The following CEP164 variants were observed in gnomAD, a reference collection of about 807,000 sequenced individuals.
CEP164 encodes centrosomal protein of 164 kDa.
Under a neutral mutation model 182.7 loss-of-function variants are expected in CEP164, and 162 were observed. The ratio of observed to expected loss-of-function variants is 0.89; its 90% CI spans 0.78 to 1.01. CEP164 has a LOEUF of 1.01. CEP164 is among the 50% of genes least tolerant of loss of function. CEP164 has a pLI of 0.00. For missense variants in CEP164, 1,735 were observed against 1,790.4 expected, an observed-to-expected ratio of 0.97 and a Z score of 0.56; for synonymous variants, 661 against 690.0, an observed-to-expected ratio of 0.96 and a Z score of 0.66.
chr11:117,323,343 G>A (rs118086079), upstream of CEP164, among the ~76,000 whole-genome samples: 5,661 of 151,412 alleles, frequency 0.037, 135 homozygotes, highest in East Asian at 0.093. Context: ...GAGATCATGC[G>A]GTATTTGTCT....
intron 26 of CEP164, among the ~76,000 whole-genome samples, 169 bp from the exon 27 acceptor site, chr11:117,396,922 T>C (rs1327071986): frequency 6.6e-6 from 1 of 152,254 alleles, no homozygotes. Context: ...TCCCAGGCAC[T>C]GCGCACTGTG....
At chr11:117,397,368 C>G in intron 27 of CEP164, 55 bp downstream of exon 27, 2 of 1,516,712 alleles carry the variant, frequency 1.3e-6, no homozygotes, top group Non-Finnish European at 1.8e-6. Context: ...CGGGGGGAGT[C>G]AGCAAAACAG....
At chr11:117,363,007 G>A (rs774425910) in intron 7 of CEP164, among the ~76,000 whole-genome samples, 2 of 152,134 alleles carry the variant, frequency 1.3e-5, no homozygotes, top group Non-Finnish European at 2.9e-5. Flanking sequence ...TCCTTTTTAA[G>A]GCTGAATAAT....
chr11:117,367,444 A>G (rs1457423213), intron 8 of CEP164, among the ~76,000 whole-genome samples: 1 of 152,256 alleles, frequency 6.6e-6, no homozygotes, highest in East Asian at 1.9e-4. Flanking sequence ...GAAGAATTTA[A>G]GCATAAGAAT....
chr11:117,405,171 G>C (rs7123784), intron 27 of CEP164, among the ~76,000 whole-genome samples: 22,466 of 152,050 alleles, frequency 0.15, 2,533 homozygotes, highest in African/African-American at 0.3. Flanking sequence ...ATGGTTCTGT[G>C]TCACTGGTGC....
intron 4 of CEP164, among the ~76,000 whole-genome samples, chr11:117,345,941 C>T (rs904628237): frequency 2.6e-5 from 4 of 152,170 alleles, no homozygotes; most frequent in Non-Finnish European, 5.9e-5. Flanking sequence ...CCTGCCTCGG[C>T]CTCCCAAAGT....
At chr11:117,354,869 T>C (rs1489614591) in intron 5 of CEP164, 1 of 1,197,230 alleles carries the variant, frequency 8.4e-7, no homozygotes, top group East Asian at 5.8e-5. Flanking sequence ...AGGGCTGAGG[T>C]AGCAAGTGTA....
At chr11:117,341,451 G>GT (rs545151196) in intron 3 of CEP164, among the ~76,000 whole-genome samples, 45 of 147,132 alleles carry the variant, frequency 3.1e-4, no homozygotes, top group Middle Eastern at 3.5e-3. Context: ...TTGTTTGTTT[G>GT]TTTTTTTTTT....
intron 4 of CEP164, 39 bp downstream of exon 4, chr11:117,344,316 C>A: frequency 7.3e-7 from 1 of 1,370,928 alleles, no homozygotes; most frequent in Non-Finnish European, 1.0e-6. Flanking sequence ...CTTGGCCTAG[C>A]AGAGGCAGAG....
chr11:117,391,376 AGATGACCACCTG>A (rs1334293580), intron 17 of CEP164, among the ~76,000 whole-genome samples, 161 bp downstream of exon 17: 1 of 151,980 alleles, frequency 6.6e-6, no homozygotes, highest in Non-Finnish European at 1.5e-5. Context: ...GGAGACAGCG[AGATGACCACCTG>A]GGCCCATTAC....
rs1249933204 is a variant in CEP164 at position 117,375,740 on chromosome 11, C to A, written c.1266C>A (p.His422Gln). The change falls in exon 11 of 33, where the codon CAC becomes CAA. Residue 422 changes from histidine (H) to glutamine (Q), a missense_variant. Coordinates refer to ENST00000278935, the MANE Select transcript of CEP164 (RefSeq NM_014956.5). ...GTTTTCGCAGCCGGATCTCGGAGCA[C>A]CTGCTGGATGTTGATGTGCTTTCCC... is the stretch of plus-strand genomic sequence containing the variant. ...DFGFRSRISE[H>Q]LLDVDVLSPV... is the part of the protein sequence containing the mutation. The A allele has an allele frequency of 1.2e-6, 2 of 1,613,980 alleles. No individual in the cohort carries two copies. The highest frequency in any genetic ancestry group is 2.7e-5 in the African/African-American group (2 of 74,884).
intron 5 of CEP164, among the ~76,000 whole-genome samples, chr11:117,357,547 G>A (rs2040447378): frequency 6.7e-6 from 1 of 150,036 alleles, no homozygotes; most frequent in African/African-American, 2.5e-5. Flanking sequence ...TCAGCCTCCT[G>A]AGTAGCTGGG....
chr11:117,380,590 CT>C, intron 11 of CEP164, 23 bp from the exon 12 acceptor site: 1 of 1,570,306 alleles, frequency 6.4e-7, no homozygotes, highest in South Asian at 1.2e-5. Context: ...CCAACACAAA[CT>C]TTTTATTGCT....
At chr11:117,387,152 G>C in intron 14 of CEP164, 51 bp from the exon 15 acceptor site, 1 of 1,483,778 alleles carries the variant, frequency 6.7e-7, no homozygotes, top group Non-Finnish European at 9.4e-7. Context: ...TGGATGCAGA[G>C]GTGGGTGGAC....
intron 31 of CEP164, 83 bp downstream of exon 31, chr11:117,410,977 G>C (rs2047287729): frequency 1.6e-6 from 2 of 1,277,928 alleles, no homozygotes; most frequent in Middle Eastern, 2.0e-4. Flanking sequence ...GGACCTCTGA[G>C]GGGAGCAGAC....
intron 3 of CEP164, among the ~76,000 whole-genome samples, chr11:117,343,803 G>C (rs755053896): frequency 2.0e-5 from 3 of 151,908 alleles, no homozygotes; most frequent in Admixed American, 1.3e-4. Context: ...GCTAATTTTT[G>C]TGTTTTTAGT....
chr11:117,400,941 AT>A (rs1296287858), intron 27 of CEP164, among the ~76,000 whole-genome samples: 5 of 152,212 alleles, frequency 3.3e-5, no homozygotes, highest in African/African-American at 9.6e-5. Context: ...AACAGAAACC[AT>A]TTGACTTCCT....
chr11:117,394,310 C>G lies in CEP164; in HGVS notation c.2617-40C>G. The G allele has an allele frequency of 1.3e-6, 2 of 1,560,530 alleles. No homozygotes were observed. Among genetic ancestry groups the G allele is most frequent in the South Asian group, 1.2e-5 (1 of 84,922 alleles). ...GCTGTGATTTTTGTGGTAGAAGGGG[C>G]TGCCGCAGCTTCCCACCGGTGGGCC... On this transcript the variant is annotated intron_variant, in intron 20 of 32. Coordinates refer to ENST00000278935, the MANE Select transcript of CEP164 (RefSeq NM_014956.5). The surrounding 1 kb of genome is among the most constrained non-coding windows in gnomAD (Gnocchi z 4.0).
intron 5 of CEP164, chr11:117,354,914 G>C (rs1414849519): frequency 1.4e-5 from 18 of 1,256,664 alleles, no homozygotes; most frequent in Admixed American, 5.2e-5. Flanking sequence ...TTCTCTGCAT[G>C]TTTATATACC....
Sources: allele counts gnomAD v4.1 joint callset (sites outside exome capture counted in the v4.1 genomes callset), GRCh38; gene constraint gnomAD v4.1.1; non-coding constraint Gnocchi (gnomAD v3.1); transcripts MANE v1.5; gene names NCBI Gene and HGNC (gene_info 2026-07-23, HGNC 2026-07-21).